Variants in ATRX observed in about 807,000 individuals in gnomAD.
The protein encoded by ATRX is ATRX chromatin remodeler.
ATRX carries 12 observed loss-of-function variants against 172.6 expected under a neutral mutation model. The observed-to-expected ratio is 0.07, with a 90% CI of 0.04 to 0.11. The LOEUF (loss-of-function observed/expected upper bound fraction) is 0.11, where lower values mean the gene tolerates loss of function less well. Among genes scored for constraint, ATRX ranks in the 10% least tolerant of loss-of-function variants. The pLI, the probability that ATRX is intolerant of heterozygous loss-of-function variation, is 1.00. For synonymous variants in ATRX, 674 were observed against 594.7 expected (o/e 1.13, Z -1.94); for missense variants, 1,368 against 1,767.4 (o/e 0.77, Z 4.05).
chrX:77,757,825 C>A (rs1270084028), intron 1 of ATRX, among the ~76,000 whole-genome samples: 1 of 109,186 alleles, frequency 9.2e-6, no homozygotes, highest in Non-Finnish European at 1.9e-5. Context: ...GCCCCTGCCA[C>A]CACGCTCAGC....
At chrX:77,605,556 A>G (rs2066873891) in intron 22 of ATRX, among the ~76,000 whole-genome samples, 1 of 111,805 alleles carries the variant, frequency 8.9e-6, no homozygotes, top group Admixed American at 9.5e-5. Flanking sequence ...TCTACCAAAC[A>G]TTCAAAAAAC....
At chrX:77,641,860 T>C (rs1270342766) in intron 15 of ATRX, among the ~76,000 whole-genome samples, 4 of 109,612 alleles carry the variant, frequency 3.6e-5, no homozygotes, top group African/African-American at 6.6e-5. Flanking sequence ...CAAAGAAAAA[T>C]AGAACAGAAA....
At chrX:77,666,336 G>T (rs782534224) in intron 10 of ATRX, among the ~76,000 whole-genome samples, 9 of 111,932 alleles carry the variant, frequency 8.0e-5, no homozygotes, top group Non-Finnish European at 1.7e-4. Flanking sequence ...TAGATCAATG[G>T]TTTGCACACT....
chrX:77,667,798 T>C (rs1381403559), intron 10 of ATRX, among the ~76,000 whole-genome samples: 1 of 111,822 alleles, frequency 8.9e-6, no homozygotes, highest in Non-Finnish European at 1.9e-5. Flanking sequence ...AAGTACAACT[T>C]AGCGACAACT....
At chrX:77,703,655 G>A (rs2072658244) in intron 2 of ATRX, among the ~76,000 whole-genome samples, 1 of 112,382 alleles carries the variant, frequency 8.9e-6, no homozygotes, top group South Asian at 3.7e-4. Context: ...GTGAGCAAGG[G>A]GCATGTCTCA....
intron 30 of ATRX, among the ~76,000 whole-genome samples, chrX:77,533,651 C>T (rs1391233654): frequency 5.4e-5 from 6 of 110,992 alleles, no homozygotes; most frequent in Non-Finnish European, 1.1e-4. Context: ...GGAGGGAGTG[C>T]ATCAGGAAGA....
At chrX:77,639,940 C>A (rs1375471929) in intron 15 of ATRX, among the ~76,000 whole-genome samples, 1 of 112,304 alleles carries the variant, frequency 8.9e-6, no homozygotes, top group African/African-American at 3.2e-5. Context: ...CCTAGGTGAC[C>A]ATGAATGGTG....
At chrX:77,560,129 T>G (rs1239966500) in intron 28 of ATRX, among the ~76,000 whole-genome samples, 1 of 111,543 alleles carries the variant, frequency 9.0e-6, no homozygotes, top group Non-Finnish European at 1.9e-5. Flanking sequence ...AGAAAGAGGT[T>G]TGGTCACGGG....
intron 4 of ATRX, among the ~76,000 whole-genome samples, chrX:77,697,322 T>C (rs920271334): frequency 9.0e-6 from 1 of 111,469 alleles, no homozygotes; most frequent in East Asian, 2.8e-4. Flanking sequence ...ATAAACTACA[T>C]ATTGCAAGGG....
chrX:77,554,571 T>C (rs782819746), intron 30 of ATRX, among the ~76,000 whole-genome samples: 8 of 111,920 alleles, frequency 7.1e-5, no homozygotes, highest in Non-Finnish European at 1.3e-4. Context: ...GCCAATTTCA[T>C]CATCCCTTAA....
In ATRX at chrX:77,508,497, T is replaced by A; in HGVS notation, c.7333A>T (p.Ile2445Phe). Reference protein sequence around the residue: ...HLMMPKPPNLIMNPSNYQQID... With the variant: ...HLMMPKPPNLFMNPSNYQQID... ...TGCTGGTAGTTAGAAGGATTCATGA[T>A]CAAATTTGGGGGCTTTGGCATCATG... is the stretch of plus-strand genomic sequence containing the variant. The change falls in exon 35 of 35, where the codon ATC becomes TTC. Residue 2445 changes from isoleucine (I) to phenylalanine (F), a missense_variant. Coordinates refer to ENST00000373344, the MANE Select transcript of ATRX (RefSeq NM_000489.6). The A allele has an allele frequency of 8.3e-7, 1 of 1,211,751 alleles. No individual in the cohort carries two copies. Among genetic ancestry groups the A allele is most frequent in the Non-Finnish European group, 1.1e-6 (1 of 895,553 alleles).
intron 19 of ATRX, among the ~76,000 whole-genome samples, chrX:77,624,841 T>A (rs782760988): frequency 5.4e-5 from 6 of 111,723 alleles, no homozygotes; most frequent in African/African-American, 2.0e-4. Context: ...ACAAATTCAA[T>A]GCAATCCCCA....
intron 19 of ATRX, among the ~76,000 whole-genome samples, chrX:77,630,712 C>T (rs921456762): frequency 8.1e-5 from 9 of 111,626 alleles, no homozygotes; most frequent in Non-Finnish European, 7.5e-5. Flanking sequence ...GGACTCCCAC[C>T]TCATGCCATA....
At chrX:77,542,924 A>G (rs187127866) in intron 30 of ATRX, among the ~76,000 whole-genome samples, 29 of 112,103 alleles carry the variant, frequency 2.6e-4, no homozygotes, top group African/African-American at 8.7e-4. Flanking sequence ...TGTCTAAAAA[A>G]CCAAAAGCAA....
chrX:77,729,935 G>A lies in ATRX; in HGVS notation c.21-12692C>T, dbSNP rs1415341810. Among the ~76,000 whole-genome samples, 17 of 111,397 alleles carry A rather than the reference G, an allele frequency of 1.5e-4. No individual in the cohort carries two copies. In the Admixed American group the frequency reaches 1.5e-3, roughly 10 times the overall value. On this transcript the variant is annotated intron_variant, in intron 1 of 34. Transcript: ENST00000373344. ...CTGGGCAACAGAGCAAGACCGTCTC[G>A]GAAAAATAAATAAATAAAGTACAGT...
chrX:77,719,771 C>T (rs782390378), intron 1 of ATRX, among the ~76,000 whole-genome samples: 1 of 111,104 alleles, frequency 9.0e-6, no homozygotes, highest in Admixed American at 9.7e-5. Flanking sequence ...TTAGACAGAC[C>T]GACAAGACGG....
At chrX:77,675,640 C>T (rs904657881) in intron 10 of ATRX, 18 of 113,674 alleles carry the variant, frequency 1.6e-4, no homozygotes, top group African/African-American at 4.9e-4. Context: ...GACATTTAAA[C>T]CTATTAAGTC....
At chrX:77,621,476 A>T (rs1569531846) in intron 19 of ATRX, among the ~76,000 whole-genome samples, 1 of 110,006 alleles carries the variant, frequency 9.1e-6, no homozygotes, top group Non-Finnish European at 1.9e-5. Flanking sequence ...TGCCTGGCTA[A>T]TTTTTTTGCA....
chrX:77,747,564 T>G (rs2075133099), intron 1 of ATRX, among the ~76,000 whole-genome samples: 1 of 111,683 alleles, frequency 9.0e-6, no homozygotes, highest in Non-Finnish European at 1.9e-5. Flanking sequence ...CAGAGTTAAC[T>G]TCTATTCAAG....
Sources: allele counts gnomAD v4.1 joint callset (sites outside exome capture counted in the v4.1 genomes callset), GRCh38; gene constraint gnomAD v4.1.1; transcripts MANE v1.5; gene names NCBI Gene and HGNC (gene_info 2026-07-23, HGNC 2026-07-21).